The following CHST11 variants were observed in gnomAD, a reference collection of about 807,000 sequenced individuals.
CHST11 encodes the protein C4S-1.
CHST11 carries 9 observed loss-of-function variants against 30.4 expected under a neutral mutation model. The observed-to-expected ratio is 0.30, with a 90% CI of 0.18 to 0.52. The LOEUF is 0.52. Among genes scored for constraint, CHST11 ranks in the 20% least tolerant of loss-of-function variants. The probability of loss-of-function intolerance (pLI) is 0.97; values close to 1 mark genes in which losing one functional copy is unlikely to be tolerated. For missense variants in CHST11, 348 were observed against 460.6 expected, an observed-to-expected ratio of 0.76 and a Z score of 2.24; for synonymous variants, 152 against 187.8, an observed-to-expected ratio of 0.81 and a Z score of 1.56.
intron 2 of CHST11, among the ~76,000 whole-genome samples, chr12:104,618,550 T>C (rs998623964): frequency 6.6e-6 from 1 of 152,206 alleles, no homozygotes; most frequent in East Asian, 1.9e-4. Flanking sequence ...TTTTTTTTCT[T>C]TTTTATTTCT....
chr12:104,567,014 G>T (rs2038573969), intron 1 of CHST11, among the ~76,000 whole-genome samples: 1 of 152,042 alleles, frequency 6.6e-6, no homozygotes. Context: ...TTTTATGTTG[G>T]CAAGTTTTGC....
At chr12:104,646,999 C>G (rs1175480667) in intron 2 of CHST11, among the ~76,000 whole-genome samples, 1 of 152,230 alleles carries the variant, frequency 6.6e-6, no homozygotes, top group African/African-American at 2.4e-5. Context: ...AAGTGATCAA[C>G]AGGAAGAGGA....
intron 2 of CHST11, among the ~76,000 whole-genome samples, chr12:104,719,430 C>T (rs557946796): frequency 1.1e-4 from 17 of 152,338 alleles, no homozygotes; most frequent in African/African-American, 3.1e-4. Context: ...CATCCACCCA[C>T]GCTCCCCTTG....
chr12:104,708,981 G>T (rs917191030), intron 2 of CHST11, among the ~76,000 whole-genome samples: 6 of 150,954 alleles, frequency 4.0e-5, no homozygotes, highest in African/African-American at 9.8e-5. Flanking sequence ...AGGTCATGGG[G>T]CAAGGAATGG....
chr12:104,705,312 C>T (rs2040022910), intron 2 of CHST11, among the ~76,000 whole-genome samples: 1 of 152,174 alleles, frequency 6.6e-6, no homozygotes, highest in Non-Finnish European at 1.5e-5. Context: ...TTGCCTTCAC[C>T]TCTCAGAGCC....
At chr12:104,507,235 A>G (rs780133474) in intron 1 of CHST11, among the ~76,000 whole-genome samples, 2 of 152,160 alleles carry the variant, frequency 1.3e-5, no homozygotes, top group Non-Finnish European at 2.9e-5. Context: ...GTCACTGCCA[A>G]CCTAAATCAA....
At chr12:104,461,258 T>C (rs766285008) in intron 1 of CHST11, among the ~76,000 whole-genome samples, 1 of 152,178 alleles carries the variant, frequency 6.6e-6, no homozygotes, top group Non-Finnish European at 1.5e-5. Context: ...CTGGAGAAGG[T>C]TGGTCTTGTT....
At chr12:104,503,412 A>G (rs985007528) in intron 1 of CHST11, among the ~76,000 whole-genome samples, 3 of 152,220 alleles carry the variant, frequency 2.0e-5, no homozygotes, top group Non-Finnish European at 4.4e-5. Context: ...CCTCGGGCAA[A>G]TCGTTAACAC....
intron 1 of CHST11, among the ~76,000 whole-genome samples, chr12:104,580,088 C>T (rs1304922444): frequency 3.3e-5 from 5 of 152,188 alleles, no homozygotes; most frequent in Non-Finnish European, 7.3e-5. Flanking sequence ...ATAAAAGCGT[C>T]GTCTTTTTGC....
At chr12:104,559,784 G>C (rs1288573447) in intron 1 of CHST11, among the ~76,000 whole-genome samples, 1 of 151,960 alleles carries the variant, frequency 6.6e-6, no homozygotes, top group Non-Finnish European at 1.5e-5. Flanking sequence ...ATAAACACAT[G>C]CATGGTAAAT....
At chr12:104,628,151 C>T (rs1419447854) in intron 2 of CHST11, among the ~76,000 whole-genome samples, 5 of 152,130 alleles carry the variant, frequency 3.3e-5, no homozygotes, top group South Asian at 2.1e-4. Flanking sequence ...ATTTGATGCA[C>T]GGAGTGATGT....
intron 2 of CHST11, among the ~76,000 whole-genome samples, chr12:104,703,241 G>T (rs2040004802): frequency 6.6e-6 from 1 of 152,186 alleles, no homozygotes; most frequent in African/African-American, 2.4e-5. Flanking sequence ...CTTAGCATGA[G>T]GCAGCTGACA....
At chr12:104,710,140 C>T (rs1194188921) in intron 2 of CHST11, among the ~76,000 whole-genome samples, 2 of 152,182 alleles carry the variant, frequency 1.3e-5, no homozygotes, top group Non-Finnish European at 2.9e-5. Context: ...GTTAAGTCTG[C>T]AGAGAGCCAT....
intron 1 of CHST11, among the ~76,000 whole-genome samples, chr12:104,584,782 G>C (rs1225319621): frequency 5.9e-5 from 9 of 152,156 alleles, no homozygotes; most frequent in South Asian, 2.1e-4. Flanking sequence ...TCATATCCTA[G>C]AGTGTTTCCA....
chr12:104,501,340 G>A (rs931130053), intron 1 of CHST11, among the ~76,000 whole-genome samples: 2 of 152,170 alleles, frequency 1.3e-5, no homozygotes, highest in Non-Finnish European at 2.9e-5. Context: ...AGAGCCCTGG[G>A]ATCCAGGAAG....
chr12:104,487,402 C>T (rs138506932), intron 1 of CHST11, among the ~76,000 whole-genome samples: 4,112 of 152,274 alleles, frequency 0.027, 184 homozygotes, highest in African/African-American at 0.094. Flanking sequence ...GCTGGGACTA[C>T]AGGCACATGC....
chr12:104,669,464 T>C (rs1429403048), intron 2 of CHST11, among the ~76,000 whole-genome samples: 1 of 152,150 alleles, frequency 6.6e-6, no homozygotes, highest in African/African-American at 2.4e-5. Flanking sequence ...GTCTTTCCAC[T>C]GTCCCCGAGG....
At chr12:104,538,900 A>G (rs1367913888) in intron 1 of CHST11, among the ~76,000 whole-genome samples, 1 of 152,218 alleles carries the variant, frequency 6.6e-6, no homozygotes, top group African/African-American at 2.4e-5. Context: ...CACTTCTTGT[A>G]TTTCAGACAC....
At position 104,621,007 on chromosome 12, in the gene CHST11, T is replaced by A. The variant is rs142116480; in HGVS notation, c.204+19016T>A. On this transcript the variant is annotated intron_variant, in intron 2 of 2. Coordinates refer to ENST00000303694, the MANE Select transcript of CHST11 (RefSeq NM_018413.6). ...ATTGCTGCCATTTGTTATCTAATAC[T>A]GAGCGCAGAGTGTAGTCTTTCTTGA... 2.0e-5 allele frequency among the ~76,000 whole-genome samples: 3 copies of A among 152,352 alleles called. No individual in the cohort carries two copies. The East Asian group carries it at 5.8e-4, about 29-fold the overall frequency.
Sources: allele counts gnomAD v4.1 joint callset (sites outside exome capture counted in the v4.1 genomes callset), GRCh38; gene constraint gnomAD v4.1.1; transcripts MANE v1.5; gene names NCBI Gene and HGNC (gene_info 2026-07-23, HGNC 2026-07-21).